Variants in CADPS observed in about 807,000 individuals in gnomAD.
The protein encoded by CADPS is calcium dependent secretion activator.
CADPS carries 57 observed loss-of-function variants against 167.3 expected under a neutral mutation model. The observed-to-expected ratio is 0.34, with a 90% confidence interval of 0.28 to 0.42. The LOEUF (loss-of-function observed/expected upper bound fraction) is 0.42, where lower values mean the gene tolerates loss of function less well. Among genes scored for constraint, CADPS ranks in the 20% least tolerant of loss-of-function variants. The pLI, the probability that CADPS is intolerant of heterozygous loss-of-function variation, is 1.00. For missense variants in CADPS, 1,414 were observed against 1,738.1 expected, an observed-to-expected ratio of 0.81 and a Z score of 3.32; for synonymous variants, 676 against 635.3, an observed-to-expected ratio of 1.06 and a Z score of -0.96.
intron 3 of CADPS, among the ~76,000 whole-genome samples, chr3:62,671,997 G>A (rs1000807884): frequency 6.6e-6 from 1 of 151,890 alleles, no homozygotes; most frequent in African/African-American, 2.4e-5. Flanking sequence ...GGCCCGGATG[G>A]TCTCGATCTC....
chr3:62,413,885 A>C (rs2049481864), intron 28 of CADPS, among the ~76,000 whole-genome samples: 1 of 84,842 alleles, frequency 1.2e-5, no homozygotes, highest in African/African-American at 3.7e-5. Context: ...ACCCAAACAT[A>C]CTTTAAAAAA....
chr3:62,805,928 C>A (rs1016112496), intron 1 of CADPS, among the ~76,000 whole-genome samples: 8 of 152,194 alleles, frequency 5.3e-5, no homozygotes, highest in African/African-American at 1.9e-4. Context: ...GTGCCCCAAG[C>A]TGTCACCAGT....
chr3:62,818,564 G>T (rs182886210), intron 1 of CADPS, among the ~76,000 whole-genome samples: 1 of 152,188 alleles, frequency 6.6e-6, no homozygotes, highest in African/African-American at 2.4e-5. Flanking sequence ...TGAAGCAACC[G>T]TAACTCTCAT....
chr3:62,457,519 C>T (rs1467435487), intron 26 of CADPS, among the ~76,000 whole-genome samples: 6 of 152,094 alleles, frequency 3.9e-5, no homozygotes, highest in Non-Finnish European at 5.9e-5. Context: ...ATACACTAAA[C>T]ATAATGGAAT....
intron 28 of CADPS, among the ~76,000 whole-genome samples, chr3:62,424,366 G>C (rs1349868159): frequency 6.6e-6 from 1 of 152,068 alleles, no homozygotes. Flanking sequence ...TGTATTTTTA[G>C]TAGAGATGGG....
chr3:62,678,164 G>A (rs774138721), intron 3 of CADPS, among the ~76,000 whole-genome samples: 2 of 151,890 alleles, frequency 1.3e-5, no homozygotes, highest in Non-Finnish European at 2.9e-5. Flanking sequence ...GCAGGGAAAG[G>A]GTCATGCAAA....
intron 28 of CADPS, among the ~76,000 whole-genome samples, chr3:62,422,883 T>C (rs899257421): frequency 2.6e-5 from 4 of 152,258 alleles, no homozygotes; most frequent in African/African-American, 9.6e-5. Flanking sequence ...AATACCACTG[T>C]GTCAAGCTTT....
intron 6 of CADPS, among the ~76,000 whole-genome samples, chr3:62,608,818 A>G (rs939696848): frequency 1.3e-5 from 2 of 152,152 alleles, no homozygotes; most frequent in African/African-American, 4.8e-5. Flanking sequence ...GAAATAATAA[A>G]TTTGAAGGCT....
chr3:62,405,479 C>G (rs182394492), intron 28 of CADPS, among the ~76,000 whole-genome samples: 1 of 151,750 alleles, frequency 6.6e-6, no homozygotes, highest in Admixed American at 6.6e-5. Context: ...ATAACGCAAC[C>G]CCCTGCCGCC....
At chr3:62,740,989 T>C (rs551180501) in intron 3 of CADPS, among the ~76,000 whole-genome samples, 1 of 152,346 alleles carries the variant, frequency 6.6e-6, no homozygotes, top group Admixed American at 6.5e-5. Flanking sequence ...AATTGCATTG[T>C]ATACTTATTG....
chr3:62,604,956 C>T (rs2060487432), intron 6 of CADPS, among the ~76,000 whole-genome samples: 1 of 152,186 alleles, frequency 6.6e-6, no homozygotes, highest in Admixed American at 6.5e-5. Flanking sequence ...ATTTAATTTC[C>T]AACACTGGGT....
intron 13 of CADPS, among the ~76,000 whole-genome samples, chr3:62,518,851 G>T (rs897253071): frequency 6.6e-6 from 1 of 152,058 alleles, no homozygotes; most frequent in Non-Finnish European, 1.5e-5. Context: ...TCAATTTCTT[G>T]CCTATAACTA....
At chr3:62,431,056 G>A (rs548903845) in intron 28 of CADPS, among the ~76,000 whole-genome samples, 2 of 152,156 alleles carry the variant, frequency 1.3e-5, no homozygotes, top group Non-Finnish European at 2.9e-5. Context: ...ATTGAGGATA[G>A]AGATGAGGTC....
chr3:62,666,964 CT>C (rs1186517187), intron 3 of CADPS, among the ~76,000 whole-genome samples: 2 of 151,302 alleles, frequency 1.3e-5, no homozygotes, highest in African/African-American at 4.9e-5. Flanking sequence ...TCTTGCATAG[CT>C]ATTTGAAAGG....
Position 62,421,278 on chromosome 3 carries a change from A to G in CADPS, c.3777+16826T>C, listed in dbSNP as rs941096102. Among the ~76,000 whole-genome samples, 1 of 151,586 alleles carries G rather than the reference A, an allele frequency of 6.6e-6. No individual in the cohort carries two copies. The highest frequency in any genetic ancestry group is 1.5e-5 in the Non-Finnish European group (1 of 67,896). On this transcript the variant is annotated intron_variant, in intron 28 of 29. Coordinates refer to ENST00000383710, the MANE Select transcript of CADPS (RefSeq NM_003716.4). This position sits in a 1 kb window ranked among gnomAD's most constrained non-coding sequence, Gnocchi z 4.7. ...CCCTTTTGAGGTGACAGAATAAGAA[A>G]TTAAACACTTGTGGGTTCATTCGAA...
At chr3:62,663,912 G>T (rs147322145) in intron 3 of CADPS, among the ~76,000 whole-genome samples, 73 of 152,276 alleles carry the variant, frequency 4.8e-4, no homozygotes, top group African/African-American at 1.7e-3. Context: ...ATTTGGCTAG[G>T]TATTCTAAGG....
At chr3:62,784,672 C>A (rs779071329) in intron 1 of CADPS, among the ~76,000 whole-genome samples, 1 of 150,552 alleles carries the variant, frequency 6.6e-6, no homozygotes, top group Non-Finnish European at 1.5e-5. Flanking sequence ...TTAAATAATA[C>A]CAACGGGTGT....
chr3:62,732,989 C>T (rs916151291), intron 3 of CADPS, among the ~76,000 whole-genome samples: 11 of 152,236 alleles, frequency 7.2e-5, no homozygotes, highest in African/African-American at 2.4e-4. Flanking sequence ...CTACAATAGT[C>T]GATGGCTTTT....
rs772924929 is a variant in CADPS, at chr3:62,518,129, C to T, written c.2393+20G>A. 1.6e-5 allele frequency: 25 copies of T among 1,567,470 alleles called. No individual in the cohort carries two copies. The highest frequency in any genetic ancestry group is 1.9e-5 in the Non-Finnish European group (22 of 1,139,784). On this transcript the variant is annotated intron_variant, in intron 14 of 29. Coordinates refer to ENST00000383710, the MANE Select transcript of CADPS (RefSeq NM_003716.4). ...CCACTCTCATCTCCTAATTAAAGCT[C>T]TCCAGCCCCAGATCCTTACCTAAAA...
Sources: gnomAD v4.1 joint callset for allele counts (sites outside exome capture counted in the v4.1 genomes callset) on GRCh38, gnomAD v4.1.1 for gene constraint, Gnocchi (gnomAD v3.1) non-coding constraint, MANE v1.5 for transcripts, NCBI Gene and HGNC (gene_info 2026-07-23, HGNC 2026-07-21) for gene names.